The following SLC24A3 variants were observed in gnomAD, a reference collection of about 807,000 sequenced individuals.
The protein encoded by SLC24A3 is sodium/potassium/calcium exchanger 3.
In SLC24A3, 28 loss-of-function variants were observed where a neutral mutation model predicts 75.8. The observed-to-expected ratio is 0.37, with a 90% confidence interval of 0.27 to 0.51. The LOEUF is 0.51. Ranked by LOEUF, SLC24A3 falls within the 20% of genes least tolerant of loss-of-function variation. The pLI is 0.94. For synonymous variants in SLC24A3, 372 were observed against 334.1 expected (o/e 1.11, Z -1.24); for missense variants, 663 against 847.8 (o/e 0.78, Z 2.71).
chr20:19,369,324 C>A (rs1245606467), intron 2 of SLC24A3, among the ~76,000 whole-genome samples: 1 of 152,132 alleles, frequency 6.6e-6, no homozygotes, highest in African/African-American at 2.4e-5. Flanking sequence ...TTTGAGAAAT[C>A]ATCAGGCAAA....
intron 2 of SLC24A3, among the ~76,000 whole-genome samples, chr20:19,407,717 G>T (rs764838123): frequency 1.6e-4 from 24 of 152,108 alleles, no homozygotes; most frequent in Non-Finnish European, 4.4e-5. Flanking sequence ...TGTTATATAG[G>T]TTCCCATTCT....
intron 6 of SLC24A3, among the ~76,000 whole-genome samples, chr20:19,648,187 G>T (rs2032160662): frequency 6.6e-6 from 1 of 152,206 alleles, no homozygotes; most frequent in Non-Finnish European, 1.5e-5. Context: ...CATCAGGCCT[G>T]TCTGAACTTC....
rs35866612 is a variant in SLC24A3, at chr20:19,285,477, CAA to C, written c.271+4414_271+4415del. Among the ~76,000 whole-genome samples the C allele has an allele frequency of 3.5e-4, 15 of 43,034 alleles. No homozygotes were observed. In the South Asian group the frequency reaches 4.3e-3, roughly 12 times the overall value. 28.2% of individuals were successfully genotyped at this position (43,034 alleles called of 152,430 possible). ...TGGGTGACAGAATGAGACCCTGTCT[CAA>C]AAAAAAAAAAAAAAAAAAAAAAAGG... On this transcript the variant is annotated intron_variant, in intron 2 of 16. Transcript: ENST00000328041.
chr20:19,285,477 CAAAAA>C (rs35866612), intron 2 of SLC24A3, among the ~76,000 whole-genome samples: 637 of 43,002 alleles, frequency 0.015, 2 homozygotes, highest in African/African-American at 0.054. Flanking sequence ...GACCCTGTCT[CAAAAA>C]AAAAAAAAAA....
chr20:19,219,638 G>C (rs1208531723), intron 1 of SLC24A3, among the ~76,000 whole-genome samples: 1 of 152,094 alleles, frequency 6.6e-6, no homozygotes, highest in Non-Finnish European at 1.5e-5. Context: ...AGGATACAAA[G>C]GCAAATGTAG....
chr20:19,382,398 G>GA (rs11477403), intron 2 of SLC24A3, among the ~76,000 whole-genome samples: 32 of 150,884 alleles, frequency 2.1e-4, no homozygotes, highest in African/African-American at 6.8e-4. Context: ...GTGGGAGGAA[G>GA]AAAAAAAAAT....
At chr20:19,680,717 G>A (rs1222170888) in intron 9 of SLC24A3, among the ~76,000 whole-genome samples, 4 of 152,220 alleles carry the variant, frequency 2.6e-5, no homozygotes, top group Non-Finnish European at 4.4e-5. Context: ...AGCCACAGAG[G>A]ACCTCTTCGT....
chr20:19,635,542 A>C (rs897929886), intron 6 of SLC24A3, among the ~76,000 whole-genome samples: 3 of 152,220 alleles, frequency 2.0e-5, no homozygotes, highest in African/African-American at 7.2e-5. Flanking sequence ...CTTCTCAGTG[A>C]TTCTGTGGGC....
At chr20:19,565,834 G>A (rs1456692320) in intron 3 of SLC24A3, among the ~76,000 whole-genome samples, 1 of 152,202 alleles carries the variant, frequency 6.6e-6, no homozygotes, top group East Asian at 1.9e-4. Flanking sequence ...CAGGGGCTTT[G>A]AAGTCATGTG....
At chr20:19,548,639 G>A (rs2030643011) in intron 3 of SLC24A3, among the ~76,000 whole-genome samples, 1 of 152,172 alleles carries the variant, frequency 6.6e-6, no homozygotes, top group African/African-American at 2.4e-5. Context: ...CAAGGCAAAT[G>A]CCTCTTACCC....
Position 19,693,287 on chromosome 20 carries a change from G to T in SLC24A3, c.1353G>T (p.Ala451=), listed in dbSNP as rs2032767947. 6.2e-7 allele frequency: 1 copy of T among 1,613,176 alleles called. No homozygotes were observed. Among genetic ancestry groups the T allele is most frequent in the African/African-American group, 1.3e-5 (1 of 74,772 alleles). Residue 451 remains alanine, a synonymous_variant, in exon 13 of 17, where the codon GCG becomes GCT. Transcript: ENST00000328041. ...GTAAACTGGAAACAGTGAAATGGGC[G>T]TTCACCTGGCCGCTGAGTTTCGTCT... is the stretch of plus-strand genomic sequence containing the variant. ...PSGKLETVKW[A]FTWPLSFVLY...
Position 19,668,621 on chromosome 20 carries a change from C to T in SLC24A3, c.713+2732C>T, listed in dbSNP as rs79968417. Among the ~76,000 whole-genome samples the T allele has an allele frequency of 2.3e-3, 348 of 152,238 alleles. 2 individuals are homozygous for T. The highest frequency in any genetic ancestry group is 7.7e-3 in the African/African-American group (321 of 41,544). ...TGAGCTTTGTCAAATACAAATACACCAGGACAAAGTACCCCTGTCATGCAG... is the reference window on the plus strand; with the variant it reads ...TGAGCTTTGTCAAATACAAATACACTAGGACAAAGTACCCCTGTCATGCAG... On this transcript the variant is annotated intron_variant, in intron 8 of 16. Transcript: ENST00000328041.
intron 2 of SLC24A3, among the ~76,000 whole-genome samples, chr20:19,360,357 A>G (rs1273880106): frequency 1.3e-5 from 2 of 152,250 alleles, no homozygotes; most frequent in Non-Finnish European, 2.9e-5. Flanking sequence ...TGAATATCTC[A>G]AAACTTTAAC....
At chr20:19,634,770 G>C (rs533331783) in intron 6 of SLC24A3, among the ~76,000 whole-genome samples, 19 of 152,110 alleles carry the variant, frequency 1.2e-4, no homozygotes, top group Admixed American at 3.3e-4. Context: ...TGGAAGCCGG[G>C]GGGGACACTT....
chr20:19,553,067 T>TTCCCCCCC (rs2030724006), intron 3 of SLC24A3, among the ~76,000 whole-genome samples: 1 of 98,976 alleles, frequency 1.0e-5, no homozygotes, highest in Non-Finnish European at 2.1e-5. Context: ...CCCTCCTTCC[T>TTCCCCCCC]TCCCTCCCTC....
chr20:19,429,824 A>G (rs555218229), intron 2 of SLC24A3, among the ~76,000 whole-genome samples: 3 of 152,286 alleles, frequency 2.0e-5, no homozygotes, highest in South Asian at 2.1e-4. Context: ...GTTGCTGATT[A>G]TGCTCTCCTC....
chr20:19,264,735 A>AAAC (rs1466513368), intron 1 of SLC24A3, among the ~76,000 whole-genome samples: 3 of 151,008 alleles, frequency 2.0e-5, no homozygotes, highest in African/African-American at 7.3e-5. Flanking sequence ...TCTCAAAAAA[A>AAAC]AAAAAAAAAA....
intron 2 of SLC24A3, among the ~76,000 whole-genome samples, chr20:19,505,906 G>A (rs1988456107): frequency 6.6e-6 from 1 of 152,142 alleles, no homozygotes; most frequent in African/African-American, 2.4e-5. Context: ...GATGTCTTGG[G>A]AAACTCCCCT....
intron 15 of SLC24A3, among the ~76,000 whole-genome samples, chr20:19,711,675 C>T (rs994145303): frequency 2.0e-5 from 3 of 152,078 alleles, no homozygotes; most frequent in Non-Finnish European, 2.9e-5. Context: ...GAGTTTCACT[C>T]TGTCGCCAGG....
Sources: allele counts gnomAD v4.1 joint callset (sites outside exome capture counted in the v4.1 genomes callset), GRCh38; gene constraint gnomAD v4.1.1; transcripts MANE v1.5; gene names NCBI Gene and HGNC (gene_info 2026-07-23, HGNC 2026-07-21).